Variants in YEATS2 observed in about 807,000 individuals in gnomAD.
The protein encoded by YEATS2 is YEATS domain-containing protein 2.
In YEATS2, 77 loss-of-function variants were observed where a neutral mutation model predicts 163.2. The ratio of observed to expected loss-of-function variants is 0.47; its 90% confidence interval spans 0.39 to 0.57. YEATS2 has a LOEUF of 0.57. Ranked by LOEUF, YEATS2 falls within the 20% of genes least tolerant of loss-of-function variation. YEATS2 has a pLI of 0.00. For synonymous variants in YEATS2, 631 were observed against 645.1 expected (o/e 0.98, Z 0.33); for missense variants, 1,549 against 1,729.8 (o/e 0.90, Z 1.85).
intron 8 of YEATS2, 55 bp downstream of exon 8, chr3:183,736,884 A>G (rs1275130812): frequency 1.0e-5 from 15 of 1,495,760 alleles, no homozygotes; most frequent in African/African-American, 1.4e-5. Context: ...ACCAGCTACA[A>G]TTGATCCTTG....
At chr3:183,701,051 A>G (rs1040453538) in intron 1 of YEATS2, among the ~76,000 whole-genome samples, 36 of 147,514 alleles carry the variant, frequency 2.4e-4, no homozygotes, top group East Asian at 2.0e-3. Context: ...GTATATATAT[A>G]TGTGTGTGTG....
At chr3:183,715,082 TTAC>T in intron 1 of YEATS2, 59 bp from the exon 2 acceptor site, 1 of 968,926 alleles carries the variant, frequency 1.0e-6, no homozygotes, top group Middle Eastern at 2.2e-4. Flanking sequence ...GTATGCAGTG[TTAC>T]TACAACCCAA....
chr3:183,751,328 A>G (rs1028796635), intron 9 of YEATS2, among the ~76,000 whole-genome samples: 6 of 152,144 alleles, frequency 3.9e-5, no homozygotes, highest in African/African-American at 1.4e-4. Flanking sequence ...GTTGATTACT[A>G]TGGCTTTGTA....
At chr3:183,737,879 T>A (rs1268763902) in intron 8 of YEATS2, among the ~76,000 whole-genome samples, 11 of 152,206 alleles carry the variant, frequency 7.2e-5, no homozygotes, top group Non-Finnish European at 2.9e-5. Flanking sequence ...TTTAAAAAAA[T>A]TGAAGATTTG....
intron 29 of YEATS2, 195 bp from the exon 30 acceptor site, chr3:183,808,902 C>G (rs1260830340): frequency 3.7e-6 from 2 of 546,574 alleles, no homozygotes; most frequent in Non-Finnish European, 6.5e-6. Context: ...GAAAATCACT[C>G]CAATTCATAA....
At chr3:183,731,821 A>T (rs964424043) in intron 7 of YEATS2, among the ~76,000 whole-genome samples, 1 of 152,214 alleles carries the variant, frequency 6.6e-6, no homozygotes, top group Non-Finnish European at 1.5e-5. Context: ...TGCCACTCTG[A>T]CAGTGTTGCA....
At chr3:183,744,102 C>CTTT (rs562807575) in intron 8 of YEATS2, among the ~76,000 whole-genome samples, 6 of 55,998 alleles carry the variant, frequency 1.1e-4, no homozygotes, top group Admixed American at 2.9e-4. Flanking sequence ...TTTAGTTTTG[C>CTTT]TTTTTTTTTT....
intron 30 of YEATS2, 200 bp from the exon 31 acceptor site, chr3:183,810,275 C>G (rs1726665314): frequency 1.9e-6 from 1 of 514,794 alleles, no homozygotes; most frequent in Non-Finnish European, 3.5e-6. Context: ...AATTATTCAA[C>G]CAACTTGTTG....
chr3:183,764,946 C>G (rs185645971), intron 15 of YEATS2, among the ~76,000 whole-genome samples: 1 of 152,300 alleles, frequency 6.6e-6, no homozygotes, highest in East Asian at 1.9e-4. Flanking sequence ...CTTACTGCAT[C>G]GGATTCTTCT....
In YEATS2 at chr3:183,800,458, C is replaced by G. The variant is rs1308449151; in HGVS notation, c.3326-8C>G. ...AACAGCTGCCTCTTTGTTGCTCTTC[C>G]CTTGTAGTGAAGACTGAACCAGAAA... On this transcript the variant is annotated splice_region_variant and splice_polypyrimidine_tract_variant and intron_variant, in intron 23 of 30. Transcript: ENST00000305135. 2 of 1,605,926 alleles carry G rather than the reference C, an allele frequency of 1.2e-6. No individual in the cohort carries two copies. The highest frequency in any genetic ancestry group is 1.7e-6 in the Non-Finnish European group (2 of 1,173,108).
In YEATS2 at chr3:183,756,552, C is replaced by T; in HGVS notation, c.1415C>T (p.Pro472Leu). ...VSGSPISTPS[P>L]SPLPRTPTST... ...GGTTCCCCAATATCAACTCCAAGCC[C>T]ATCACCATTGCCTCGAACCCCGACT... Residue 472 changes from proline (P) to leucine (L), a missense_variant, in exon 12 of 31, where the codon CCA (proline) becomes CTA (leucine). Coordinates refer to ENST00000305135, the MANE Select transcript of YEATS2 (RefSeq NM_018023.5). 1 of 1,590,676 alleles carries T rather than the reference C, an allele frequency of 6.3e-7. No individual in the cohort carries two copies. The highest frequency in any genetic ancestry group is 8.5e-7 in the Non-Finnish European group (1 of 1,170,026).
At chr3:183,714,476 G>C (rs1022818291) in intron 1 of YEATS2, among the ~76,000 whole-genome samples, 1 of 151,732 alleles carries the variant, frequency 6.6e-6, no homozygotes, top group African/African-American at 2.4e-5. Flanking sequence ...GATTACAGGC[G>C]TGAGCCACCG....
At chr3:183,699,498 C>G (rs995090363) in intron 1 of YEATS2, among the ~76,000 whole-genome samples, 15 of 151,218 alleles carry the variant, frequency 9.9e-5, no homozygotes, top group Non-Finnish European at 2.1e-4. Context: ...CGCTTGAGCC[C>G]AGATATTCTA....
In YEATS2 at chr3:183,806,779, C is replaced by A. The variant is rs2242123; in HGVS notation, c.3785-87C>A. 8.0e-3 allele frequency: 11,208 copies of A among 1,392,784 alleles called. 492 individuals are homozygous for A. In the East Asian group the frequency reaches 0.13, roughly 17 times the overall value. 86.3% of individuals were successfully genotyped at this position (1,392,784 alleles called of 1,614,324 possible). A position where few individuals can be genotyped will look rare whatever the true frequency, so the allele number is the denominator to read the frequency against. ...GTCAGCTCCCCTGATGCTTATCCCC[C>A]TTCCTCAGACCATGGGTCTCTTGGA... On this transcript the variant is annotated intron_variant, in intron 27 of 30. Transcript: ENST00000305135.
chr3:183,721,791 G>T, intron 4 of YEATS2, 100 bp from the exon 5 acceptor site: 6 of 1,463,004 alleles, frequency 4.1e-6, no homozygotes, highest in Non-Finnish European at 5.6e-6. Flanking sequence ...AAGATTTTAA[G>T]CATGATCCTG....
In YEATS2 at chr3:183,718,545, A is replaced by G. The variant is rs760572791; in HGVS notation, c.244A>G (p.Ile82Val). ...RRMMDKLRAC[I>V]VANYYASAGL... is the part of the protein sequence containing the mutation. ...GATGATGGATAAACTGCGTGCCTGCATTGTAGCAAACTACTATGCTTCTGC... is the reference window on the plus strand; with the variant it reads ...GATGATGGATAAACTGCGTGCCTGCGTTGTAGCAAACTACTATGCTTCTGC... Residue 82 changes from isoleucine to valine, a missense_variant, in exon 4 of 31, where the codon ATT (isoleucine) becomes GTT (valine). By Grantham distance (29) the Ile-to-Val change is conservative. Transcript: ENST00000305135. 5 of 1,613,744 alleles carry G rather than the reference A, an allele frequency of 3.1e-6. No individual in the cohort carries two copies. In the African/African-American group the frequency reaches 4.0e-5, roughly 13 times the overall value.
chr3:183,769,528 A>G (rs1445281654), intron 15 of YEATS2, among the ~76,000 whole-genome samples: 1 of 152,198 alleles, frequency 6.6e-6, no homozygotes, highest in Non-Finnish European at 1.5e-5. Context: ...CATATTTTAT[A>G]GATGAGGGGA....
At chr3:183,712,209 T>TGATG (rs1715309181) in intron 1 of YEATS2, among the ~76,000 whole-genome samples, 1 of 103,642 alleles carries the variant, frequency 9.6e-6, no homozygotes, top group African/African-American at 3.7e-5. Context: ...TTTATTTTAT[T>TGATG]TTATTTTATT....
chr3:183,754,933 T>G (rs112060011), intron 11 of YEATS2, among the ~76,000 whole-genome samples: 1,758 of 152,294 alleles, frequency 0.012, 21 homozygotes, highest in South Asian at 0.038. Context: ...TGGTTTTGAC[T>G]GTTCCACCTT....
Sources: gnomAD v4.1 joint callset for allele counts (sites outside exome capture counted in the v4.1 genomes callset) on GRCh38, gnomAD v4.1.1 for gene constraint, MANE v1.5 for transcripts, NCBI Gene and HGNC (gene_info 2026-07-23, HGNC 2026-07-21) for gene names.